ADGRG1: variants seen among roughly 807,000 people sequenced by gnomAD.
The protein encoded by ADGRG1 is adhesion G protein-coupled receptor G1.
ADGRG1 carries 53 observed loss-of-function variants against 73.5 expected under a neutral mutation model. The observed-to-expected ratio is 0.72, with a 90% confidence interval of 0.58 to 0.91. The LOEUF (loss-of-function observed/expected upper bound fraction) is 0.91. Among genes scored for constraint, ADGRG1 ranks in the 40% least tolerant of loss-of-function variants. ADGRG1 has a pLI of 0.00. For missense variants in ADGRG1, 795 were observed against 871.8 expected, an observed-to-expected ratio of 0.91 and a Z score of 1.11; for synonymous variants, 394 against 374.4, an observed-to-expected ratio of 1.05 and a Z score of -0.60.
At chr16:57,621,779 C>A (rs2034871566) in intron 2 of ADGRG1, 7 of 792,302 alleles carry the variant, frequency 8.8e-6, no homozygotes, top group Non-Finnish European at 9.2e-6. Context: ...CAGGCCAGGG[C>A]CAAGGGAGCT....
chr16:57,639,363 C>T (rs1468898011), intron 1 of ADGRG1: 2 of 985,324 alleles, frequency 2.0e-6, no homozygotes, highest in Non-Finnish European at 2.4e-6. Context: ...TGACGTAGTC[C>T]CTGCAGCTGC....
At chr16:57,661,614 C>G in intron 12 of ADGRG1, 83 bp from the exon 13 acceptor site, 2 of 1,547,356 alleles carry the variant, frequency 1.3e-6, no homozygotes, top group Non-Finnish European at 1.7e-6. Context: ...AGTGGATAAT[C>G]CTGAAAACAA....
chr16:57,651,837 C>G, intron 3 of ADGRG1: 1 of 1,450,094 alleles, frequency 6.9e-7, no homozygotes, highest in African/African-American at 1.4e-5. Context: ...CCCACTGTCC[C>G]TTGATGGTTA....
chr16:57,632,916 G>C, intron 1 of ADGRG1: 1 of 985,444 alleles, frequency 1.0e-6, no homozygotes, highest in Non-Finnish European at 1.2e-6. Flanking sequence ...CTCTGGCTTG[G>C]CTTCCCAGAC....
At chr16:57,652,052 C>T (rs2044233881) in intron 3 of ADGRG1, 3 of 1,063,714 alleles carry the variant, frequency 2.8e-6, no homozygotes, top group Non-Finnish European at 3.4e-6. Context: ...GAAACTGGGG[C>T]ACAGAGAGGA....
At chr16:57,661,653 G>GA in intron 12 of ADGRG1, 44 bp from the exon 13 acceptor site, 1 of 1,588,180 alleles carries the variant, frequency 6.3e-7, no homozygotes, top group Non-Finnish European at 8.6e-7. Flanking sequence ...AGGAAATGCT[G>GA]CCCGTGCTGG....
intron 1 of ADGRG1, chr16:57,637,639 G>A (rs1320559209): frequency 2.0e-6 from 2 of 985,250 alleles, no homozygotes; most frequent in East Asian, 1.1e-4. Flanking sequence ...TCCTCCGGGG[G>A]CCAAAAATAG....
rs1282809573 is a variant in ADGRG1, at chr16:57,628,760, T to G, written c.-78T>G. 3.0e-6 allele frequency: 3 copies of G among 985,420 alleles called. No homozygotes were observed. The African/African-American group carries it at 5.2e-5, about 17-fold the overall frequency. 61.0% of individuals were successfully genotyped at this position (985,420 alleles called of 1,614,324 possible). The stretch of plus-strand genomic sequence containing the variant: ...TCTGGGGGTGGATCCTGAAAGGTGG[T>G]CCAGCCGCCTGGCCCTGCGTGGGAC... On this transcript the variant is annotated 5_prime_UTR_variant, in exon 1 of 14. Transcript: ENST00000562631.
upstream of ADGRG1, chr16:57,625,683 T>C (rs2035705410): frequency 3.0e-6 from 3 of 984,286 alleles, no homozygotes; most frequent in Non-Finnish European, 3.6e-6. Flanking sequence ...TCTCAGGCTA[T>C]CTGTAGGTCT....
upstream of ADGRG1, among the ~76,000 whole-genome samples, chr16:57,624,542 C>T (rs1416837398): frequency 1.3e-5 from 2 of 152,168 alleles, no homozygotes; most frequent in Admixed American, 6.5e-5. Flanking sequence ...GCAGTGGTTG[C>T]TCATGGCCAT....
At chr16:57,663,021 T>A (rs2047621026) in intron 13 of ADGRG1, 3 of 984,878 alleles carry the variant, frequency 3.0e-6, no homozygotes, top group Admixed American at 6.1e-5. Context: ...GGATTGTAAG[T>A]GAGGCCCATA....
intron 1 of ADGRG1, chr16:57,633,360 A>G: frequency 3.0e-6 from 3 of 985,320 alleles, no homozygotes; most frequent in Non-Finnish European, 3.6e-6. Context: ...ATTTCTCACA[A>G]CTTCATTACT....
At chr16:57,647,845 G>A (rs1021531082) in intron 1 of ADGRG1, 10 of 875,286 alleles carry the variant, frequency 1.1e-5, no homozygotes, top group African/African-American at 1.8e-5. Context: ...GGAACCCCAT[G>A]TTGTCGCTTC....
rs1053907326 is a variant in ADGRG1, at chr16:57,661,889, G to T, written c.1857G>T (p.Leu619Phe). 6 of 1,614,144 alleles carry T rather than the reference G, an allele frequency of 3.7e-6. No homozygotes were observed. Among genetic ancestry groups the T allele is most frequent in the African/African-American group, 1.3e-5 (1 of 74,946 alleles). The change falls in exon 13 of 14, where the codon TTG becomes TTT. Residue 619 changes from leucine (L) to phenylalanine (F), a missense_variant. Coordinates refer to ENST00000562631, the MANE Select transcript of ADGRG1 (RefSeq NM_201525.4). ...TGGTCCTTGGCCTGCCCTGGGCCTT[G>T]ATCTTCTTCTCCTTTGCTTCTGGCA... ...LSLVLGLPWA[L>F]IFFSFASGTF...
intron 3 of ADGRG1, chr16:57,652,052 C>A: frequency 1.9e-6 from 2 of 1,063,828 alleles, no homozygotes; most frequent in Non-Finnish European, 1.1e-6. Flanking sequence ...GAAACTGGGG[C>A]ACAGAGAGGA....
At chr16:57,626,924 G>A (rs184236033), upstream of ADGRG1, 570 of 985,432 alleles carry the variant, frequency 5.8e-4, 7 homozygotes, top group African/African-American at 8.8e-3. Context: ...GTGTAGGCTG[G>A]CCTCTGCTGC....
At chr16:57,630,193 A>G (rs882938) in intron 1 of ADGRG1, 87,294 of 368,670 alleles carry the variant, frequency 0.24, 11,349 homozygotes, top group East Asian at 0.46. Flanking sequence ...CCCAGAGGAT[A>G]GCCCCGGGCA....
chr16:57,633,802 G>A (rs779194368), intron 1 of ADGRG1, among the ~76,000 whole-genome samples: 9 of 152,130 alleles, frequency 5.9e-5, no homozygotes, highest in Non-Finnish European at 1.0e-4. Context: ...GACTTTATCC[G>A]GAACAATGGT....
chr16:57,636,357 C>A, intron 1 of ADGRG1: 2 of 985,376 alleles, frequency 2.0e-6, no homozygotes, highest in South Asian at 9.4e-5. Context: ...GCATGCGCTC[C>A]CAGGCTTCCA....
Sources: allele counts gnomAD v4.1 joint callset (sites outside exome capture counted in the v4.1 genomes callset), GRCh38; gene constraint gnomAD v4.1.1; transcripts MANE v1.5; gene names NCBI Gene and HGNC (gene_info 2026-07-23, HGNC 2026-07-21).